Variants in UBE2L6 observed in about 807,000 individuals in gnomAD.
The protein encoded by UBE2L6 is ubiquitin conjugating enzyme E2 L6.
A neutral mutation model predicts 13.6 loss-of-function variants in UBE2L6; 11 were observed. The observed-to-expected ratio is 0.81, with a 90% CI of 0.51 to 1.34. The LOEUF is 1.34. Among genes scored for constraint, UBE2L6 ranks in the 40% most tolerant of loss-of-function variants. UBE2L6 has a pLI of 0.00. For synonymous variants in UBE2L6, 74 were observed against 83.2 expected (o/e 0.89, Z 0.60); for missense variants, 197 against 199.5 (o/e 0.99, Z 0.07).
Position 57,554,453 on chromosome 11 carries a change from G to A in UBE2L6, c.294C>T (p.Cys98=). ...PIISSENWKP[C]TKTCQVLEAL... ...CAACCCCACCTTGGCAAGTCTTGGT[G>A]CAAGGCTTCCAGTTCTCACTGCTGA... The change falls in exon 3 of 4, where the codon TGC becomes TGT. Residue 98 remains cysteine (C), a synonymous_variant. Coordinates refer to ENST00000287156, the MANE Select transcript of UBE2L6 (RefSeq NM_004223.5). The A allele has an allele frequency of 1.2e-6, 2 of 1,613,892 alleles. No homozygotes were observed. Among genetic ancestry groups the A allele is most frequent in the Non-Finnish European group, 1.7e-6 (2 of 1,179,896 alleles).
At chr11:57,560,615 T>C (rs925646027) in intron 1 of UBE2L6, 183 bp from the exon 2 acceptor site, 104 of 524,388 alleles carry the variant, frequency 2.0e-4, no homozygotes, top group Non-Finnish European at 3.1e-4. Flanking sequence ...TGGTGCTTTT[T>C]CTTTTTTCTT....
chr11:57,556,071 TCTGTGCTGTC>T (rs939729248), intron 2 of UBE2L6, among the ~76,000 whole-genome samples: 9 of 152,170 alleles, frequency 5.9e-5, no homozygotes, highest in Non-Finnish European at 1.0e-4. Context: ...TGAGCACCTG[TCTGTGCTGTC>T]CTGTGCTAAG....
At position 57,554,632 on chromosome 11, in the gene UBE2L6, A is replaced by G. The variant is rs751547468; in HGVS notation, c.124-9T>C. On this transcript the variant is annotated splice_polypyrimidine_tract_variant and intron_variant, in intron 2 of 3. Coordinates refer to ENST00000287156, the MANE Select transcript of UBE2L6 (RefSeq NM_004223.5). Reference sequence around the variant, plus strand: ...TGGTAGGGAGGTTGGTCCTGTGCAGAGAGAAAAGGGGTCAAGCTCCAGTCT... The same window carrying G: ...TGGTAGGGAGGTTGGTCCTGTGCAGGGAGAAAAGGGGTCAAGCTCCAGTCT... The G allele has an allele frequency of 1.4e-5, 23 of 1,613,696 alleles. No individual in the cohort carries two copies. Among genetic ancestry groups the G allele is most frequent in the Non-Finnish European group, 1.9e-5 (22 of 1,179,872 alleles).
chr11:57,557,167 G>A (rs1404951462), intron 2 of UBE2L6, among the ~76,000 whole-genome samples: 3 of 152,038 alleles, frequency 2.0e-5, no homozygotes, highest in South Asian at 4.2e-4. Context: ...GACCTCCCAC[G>A]AATGGCTCCG....
intron 2 of UBE2L6, among the ~76,000 whole-genome samples, chr11:57,555,416 G>A (rs190460830): frequency 1.3e-5 from 2 of 152,326 alleles, no homozygotes; most frequent in South Asian, 2.1e-4. Flanking sequence ...CCACTTATGT[G>A]CAGTACCCAG....
At position 57,567,639 on chromosome 11, in the gene UBE2L6, G is replaced by T; in HGVS notation, c.-28C>A. On this transcript the variant is annotated 5_prime_UTR_variant, in exon 1 of 4. Transcript: ENST00000287156. ...CGGGACCGAGTGTGTGGCACCCGTG[G>T]CCTCCAGCAGGACCGAGCTCCGACC... is the stretch of plus-strand genomic sequence containing the variant. 2.5e-6 allele frequency: 4 copies of T among 1,602,718 alleles called. No individual in the cohort carries two copies. Among genetic ancestry groups the T allele is most frequent in the Non-Finnish European group, 3.4e-6 (4 of 1,175,754 alleles).
chr11:57,558,859 A>G (rs567499098), intron 2 of UBE2L6, among the ~76,000 whole-genome samples: 1 of 152,230 alleles, frequency 6.6e-6, no homozygotes, highest in African/African-American at 2.4e-5. Context: ...CCCTTAGCTG[A>G]TGACTTACAT....
At chr11:57,557,764 C>A (rs556943917) in intron 2 of UBE2L6, among the ~76,000 whole-genome samples, 1 of 152,152 alleles carries the variant, frequency 6.6e-6, no homozygotes, top group African/African-American at 2.4e-5. Context: ...TACTCAGCCT[C>A]GGGTATTCCT....
Position 57,560,445 on chromosome 11 carries a change from C to G in UBE2L6, c.28-13G>C. The G allele has an allele frequency of 6.2e-7, 1 of 1,601,266 alleles. No homozygotes were observed. The highest frequency in any genetic ancestry group is 8.6e-7 in the Non-Finnish European group (1 of 1,169,520). On this transcript the variant is annotated splice_polypyrimidine_tract_variant and intron_variant, in intron 1 of 3. Transcript: ENST00000287156. ...GATCCTCCAGCTCCTGCAGGGGACA[C>G]AAGTGAGTGGGCAGTTGGCCTAGTC... is the stretch of plus-strand genomic sequence containing the variant.
chr11:57,563,682 G>C (rs976458482), intron 1 of UBE2L6, among the ~76,000 whole-genome samples: 5 of 150,686 alleles, frequency 3.3e-5, no homozygotes, highest in African/African-American at 1.2e-4. Context: ...ACGAGATCAG[G>C]AGATCGAGAC....
intron 1 of UBE2L6, among the ~76,000 whole-genome samples, chr11:57,565,389 A>G (rs1334496251): frequency 2.1e-5 from 3 of 141,260 alleles, no homozygotes; most frequent in South Asian, 2.3e-4. Flanking sequence ...TTTTGAGACA[A>G]TGTCTCACTC....
rs548468371 is a variant in UBE2L6, at chr11:57,557,139, G to T, written c.124-2516C>A. Among the ~76,000 whole-genome samples the T allele has an allele frequency of 1.2e-4, 18 of 152,118 alleles. 1 individual carries two copies. The highest frequency in any genetic ancestry group is 8.5e-4 in the Admixed American group (13 of 15,284). On this transcript the variant is annotated intron_variant, in intron 2 of 3. Coordinates refer to ENST00000287156, the MANE Select transcript of UBE2L6 (RefSeq NM_004223.5). Reference sequence around the variant, plus strand: ...TTGGAGGTGGGGCCTACCAGGAGGCGTATGGGTCCTGGGGGCAGACCTCCC... The same window carrying T: ...TTGGAGGTGGGGCCTACCAGGAGGCTTATGGGTCCTGGGGGCAGACCTCCC...
At chr11:57,560,219 A>G in intron 2 of UBE2L6, 118 bp downstream of exon 2, 1 of 776,966 alleles carries the variant, frequency 1.3e-6, no homozygotes, top group Non-Finnish European at 2.3e-6. Context: ...CAGCAATGAT[A>G]ACCTCCAGTA....
At chr11:57,559,331 G>T (rs945633390) in intron 2 of UBE2L6, among the ~76,000 whole-genome samples, 1 of 152,150 alleles carries the variant, frequency 6.6e-6, no homozygotes, top group Non-Finnish European at 1.5e-5. Context: ...AGTAAATCCT[G>T]CCGGGTGTGG....
At position 57,560,445 on chromosome 11, in the gene UBE2L6, C is replaced by A; in HGVS notation, c.28-13G>T. 6.2e-7 allele frequency: 1 copy of A among 1,601,266 alleles called. No homozygotes were observed. The highest frequency in any genetic ancestry group is 8.6e-7 in the Non-Finnish European group (1 of 1,169,520). ...GATCCTCCAGCTCCTGCAGGGGACA[C>A]AAGTGAGTGGGCAGTTGGCCTAGTC... On this transcript the variant is annotated splice_polypyrimidine_tract_variant and intron_variant, in intron 1 of 3. Coordinates refer to ENST00000287156, the MANE Select transcript of UBE2L6 (RefSeq NM_004223.5).
rs758196740 is a variant in UBE2L6, at chr11:57,552,445, G to C, written c.375C>G (p.Leu125=). The C allele has an allele frequency of 1.2e-6, 2 of 1,614,154 alleles. No homozygotes were observed. The highest frequency in any genetic ancestry group is 8.5e-7 in the Non-Finnish European group (1 of 1,180,018). Reference sequence around the variant, plus strand: ...CCGGATTCTGTGTCAGCAGGTCAGCGAGGTCCATCCGCAGGGGCTCCCTGA... The same window carrying C: ...CCGGATTCTGTGTCAGCAGGTCAGCCAGGTCCATCCGCAGGGGCTCCCTGA... ...PNIREPLRMD[L]ADLLTQNPEL... Residue 125 remains leucine, a synonymous_variant, in exon 4 of 4, where the codon CTC becomes CTG. Transcript: ENST00000287156.
chr11:57,554,433 C>T lies in UBE2L6; in HGVS notation c.310+4G>A, dbSNP rs1308582748. 1 of 1,613,234 alleles carries T rather than the reference C, an allele frequency of 6.2e-7. No individual in the cohort carries two copies. Among genetic ancestry groups the T allele is most frequent in the South Asian group, 1.1e-5 (1 of 90,976 alleles). On this transcript the variant is annotated splice_donor_region_variant and intron_variant, in intron 3 of 3. Coordinates refer to ENST00000287156, the MANE Select transcript of UBE2L6 (RefSeq NM_004223.5). ...TCCCTCCTCCAAGCAAAGCCCAACCCCACCTTGGCAAGTCTTGGTGCAAGG... is the reference window on the plus strand; with the variant it reads ...TCCCTCCTCCAAGCAAAGCCCAACCTCACCTTGGCAAGTCTTGGTGCAAGG...
upstream of UBE2L6, chr11:57,567,699 C>T (rs541003208): frequency 7.4e-6 from 11 of 1,493,506 alleles, no homozygotes; most frequent in Non-Finnish European, 9.1e-6. Flanking sequence ...CCCCGGGGAC[C>T]CCACCCCCGG....
intron 1 of UBE2L6, among the ~76,000 whole-genome samples, chr11:57,565,339 T>C (rs370088691): frequency 2.7e-5 from 4 of 148,218 alleles, no homozygotes; most frequent in Non-Finnish European, 6.0e-5. Context: ...AGTTAAAGTA[T>C]ACAGTTTGTA....
Sources: gnomAD v4.1 joint callset for allele counts (sites outside exome capture counted in the v4.1 genomes callset) on GRCh38, gnomAD v4.1.1 for gene constraint, MANE v1.5 for transcripts, NCBI Gene and HGNC (gene_info 2026-07-23, HGNC 2026-07-21) for gene names.